Variants in LRRC4C observed in about 807,000 individuals in gnomAD.
LRRC4C encodes the protein leucine rich repeat containing 4C.
LRRC4C carries 5 observed loss-of-function variants against 33.6 expected under a neutral mutation model. The ratio of observed to expected loss-of-function variants is 0.15; its 90% CI spans 0.08 to 0.31. The LOEUF (loss-of-function observed/expected upper bound fraction) is 0.31. LRRC4C is among the 10% of genes least tolerant of loss of function. LRRC4C has a pLI of 1.00. For missense variants in LRRC4C, 560 were observed against 796.7 expected, an observed-to-expected ratio of 0.70 and a Z score of 3.58; for synonymous variants, 329 against 302.0, an observed-to-expected ratio of 1.09 and a Z score of -0.93.
At chr11:41,204,773 G>A (rs1330293469) in intron 1 of LRRC4C, among the ~76,000 whole-genome samples, 1 of 151,748 alleles carries the variant, frequency 6.6e-6, no homozygotes, top group Non-Finnish European at 1.5e-5. Flanking sequence ...TATGTGCCAG[G>A]CACTATGGAA....
intron 1 of LRRC4C, among the ~76,000 whole-genome samples, chr11:41,282,194 A>G (rs1265339648): frequency 1.3e-5 from 2 of 152,244 alleles, no homozygotes; most frequent in African/African-American, 4.8e-5. Flanking sequence ...CAATTTTGTA[A>G]ATTGTACTAT....
chr11:40,913,033 T>C (rs1360061190), intron 2 of LRRC4C, among the ~76,000 whole-genome samples: 1 of 152,042 alleles, frequency 6.6e-6, no homozygotes, highest in East Asian at 1.9e-4. Context: ...ACAAGAGCAC[T>C]CAGATTCATA....
At chr11:40,235,947 A>T (rs1865521604) in intron 5 of LRRC4C, among the ~76,000 whole-genome samples, 1 of 152,114 alleles carries the variant, frequency 6.6e-6, no homozygotes, top group African/African-American at 2.4e-5. Flanking sequence ...CAGTGCCAGA[A>T]CTCTATCTCA....
chr11:41,308,666 C>T (rs1337066338), intron 1 of LRRC4C, among the ~76,000 whole-genome samples: 2 of 152,128 alleles, frequency 1.3e-5, no homozygotes, highest in Non-Finnish European at 2.9e-5. Context: ...CCCAGCTCCC[C>T]TATGCATGCT....
At chr11:40,497,724 C>T (rs1954539479) in intron 3 of LRRC4C, among the ~76,000 whole-genome samples, 2 of 152,246 alleles carry the variant, frequency 1.3e-5, no homozygotes, top group African/African-American at 4.8e-5. Context: ...GTGCTCTTAA[C>T]ACCTGGGATT....
intron 1 of LRRC4C, among the ~76,000 whole-genome samples, chr11:41,325,694 A>G (rs1471903511): frequency 2.6e-5 from 4 of 151,852 alleles, no homozygotes; most frequent in African/African-American, 9.7e-5. Context: ...AACAACAACA[A>G]CAACAACAAA....
intron 1 of LRRC4C, among the ~76,000 whole-genome samples, chr11:40,960,779 A>C (rs1254160428): frequency 1.3e-5 from 2 of 151,728 alleles, no homozygotes; most frequent in African/African-American, 2.4e-5. Flanking sequence ...AGAAATTAAA[A>C]GAGAAAGAGA....
intron 1 of LRRC4C, among the ~76,000 whole-genome samples, chr11:41,041,915 T>C (rs1857462193): frequency 6.6e-6 from 1 of 152,188 alleles, no homozygotes. Flanking sequence ...TTGAAAATTT[T>C]GTGGATCTGA....
intron 1 of LRRC4C, among the ~76,000 whole-genome samples, chr11:41,133,476 T>TC (rs199931314): frequency 0.075 from 10,654 of 141,240 alleles, 389 homozygotes; most frequent in African/African-American, 0.11. Context: ...AAAATCCTAA[T>TC]CCCCCCCCCG....
Position 40,157,720 on chromosome 11 carries a change from T to C in LRRC4C, c.-95-16867A>G, listed in dbSNP as rs566236967. On this transcript the variant is annotated intron_variant, in intron 5 of 6. Coordinates refer to ENST00000528697, the MANE Select transcript of LRRC4C (RefSeq NM_001258419.2). Reference sequence around the variant, plus strand: ...AAACCATAATGCAAAAGCACCTTTCTCCTGCAAGAATGGCCATAATCAAAA... The same window carrying C: ...AAACCATAATGCAAAAGCACCTTTCCCCTGCAAGAATGGCCATAATCAAAA... Among the ~76,000 whole-genome samples, 21 of 152,178 alleles carry C rather than the reference T, an allele frequency of 1.4e-4. No individual in the cohort carries two copies. The South Asian group carries it at 3.9e-3, about 29-fold the overall frequency.
chr11:40,270,594 C>T (rs1168220123), intron 4 of LRRC4C, among the ~76,000 whole-genome samples: 1 of 152,022 alleles, frequency 6.6e-6, no homozygotes, highest in East Asian at 1.9e-4. Context: ...CTTCTTCTTT[C>T]TTTGAACAGA....
At chr11:40,625,126 G>A (rs1338374963) in intron 3 of LRRC4C, among the ~76,000 whole-genome samples, 2 of 152,070 alleles carry the variant, frequency 1.3e-5, no homozygotes, top group East Asian at 1.9e-4. Flanking sequence ...GGTACTCAGG[G>A]TCACATGGCT....
intron 1 of LRRC4C, among the ~76,000 whole-genome samples, chr11:41,057,615 T>C (rs762770093): frequency 3.3e-5 from 5 of 152,274 alleles, no homozygotes; most frequent in Non-Finnish European, 2.9e-5. Context: ...CTGTGGCCCA[T>C]AGAAGCCCTG....
intron 2 of LRRC4C, among the ~76,000 whole-genome samples, chr11:40,919,077 T>C (rs984069655): frequency 6.6e-6 from 1 of 152,192 alleles, no homozygotes; most frequent in Non-Finnish European, 1.5e-5. Flanking sequence ...AACTCCTTTA[T>C]TAAAGTTTGG....
At chr11:40,777,996 AT>A in intron 2 of LRRC4C, among the ~76,000 whole-genome samples, 1 of 152,114 alleles carries the variant, frequency 6.6e-6, no homozygotes, top group South Asian at 2.1e-4. Context: ...CCAGATCTTG[AT>A]TTTTTTAATT....
intron 2 of LRRC4C, among the ~76,000 whole-genome samples, chr11:40,827,863 T>C (rs931690012): frequency 4.0e-5 from 6 of 151,726 alleles, no homozygotes; most frequent in Non-Finnish European, 7.4e-5. Flanking sequence ...ATGAAGGATT[T>C]AAAAATGTAA....
rs565596865 is a variant in LRRC4C, at chr11:40,934,721, A to G, written c.-495-998T>C. On this transcript the variant is annotated intron_variant, in intron 1 of 6. Transcript: ENST00000528697. ...ATCTCTTGACTATCTCCTATTTCCTAGTAGACTAACTCCCATCAAGGTCTA... is the reference window on the plus strand; with the variant it reads ...ATCTCTTGACTATCTCCTATTTCCTGGTAGACTAACTCCCATCAAGGTCTA... 4.6e-5 allele frequency among the ~76,000 whole-genome samples: 7 copies of G among 152,160 alleles called. No individual in the cohort carries two copies. In the East Asian group the frequency reaches 1.4e-3, roughly 29 times the overall value.
At chr11:40,503,096 T>C (rs77987268) in intron 3 of LRRC4C, among the ~76,000 whole-genome samples, 2,713 of 152,234 alleles carry the variant, frequency 0.018, 45 homozygotes, top group South Asian at 0.034. Context: ...TCGCAGCGCA[T>C]GGCTACTATA....
chr11:40,116,083 A>T lies in LRRC4C; in HGVS notation c.210T>A (p.Val70=), dbSNP rs1358050474. 1 of 1,614,032 alleles carries T rather than the reference A, an allele frequency of 6.2e-7. No individual in the cohort carries two copies. The highest frequency in any genetic ancestry group is 1.7e-5 in the Admixed American group (1 of 60,006). The change falls in exon 7 of 7, where the codon GTT becomes GTA. Residue 70 remains valine, a synonymous_variant. Transcript: ENST00000528697. The part of the protein sequence containing the change: ...VICVRKNLRE[V]PDGISTNTRL... ...GTGTGTTGGTGGAGATGCCATCCGG[A>T]ACCTCACGCAGGTTTTTCCGAACAC...
Sources: allele counts gnomAD v4.1 joint callset (sites outside exome capture counted in the v4.1 genomes callset), GRCh38; gene constraint gnomAD v4.1.1; transcripts MANE v1.5; gene names NCBI Gene and HGNC (gene_info 2026-07-23, HGNC 2026-07-21).